ZNF521: variants seen among roughly 807,000 people sequenced by gnomAD.
The protein encoded by ZNF521 is LYST-interacting protein 3.
ZNF521 carries 14 observed loss-of-function variants against 105.5 expected under a neutral mutation model. That is an observed-to-expected ratio of 0.13 (90% CI 0.09 to 0.21). ZNF521 has a LOEUF of 0.21. Ranked by LOEUF, ZNF521 falls within the 10% of genes least tolerant of loss-of-function variation. The pLI is 1.00. For synonymous variants in ZNF521, 635 were observed against 606.0 expected (o/e 1.05, Z -0.70); for missense variants, 1,233 against 1,629.7 (o/e 0.76, Z 4.19).
chr18:25,218,489 A>G, intron 4 of ZNF521, among the ~76,000 whole-genome samples: 1 of 150,436 alleles, frequency 6.6e-6, no homozygotes, highest in East Asian at 2.0e-4. Context: ...TACTAAAAAA[A>G]AAAAAAAAAA....
intron 3 of ZNF521, among the ~76,000 whole-genome samples, chr18:25,230,467 G>A (rs1444921537): frequency 6.6e-6 from 1 of 152,164 alleles, no homozygotes; most frequent in Non-Finnish European, 1.5e-5. Flanking sequence ...AACATACTCT[G>A]AGGTCTACCT....
At chr18:25,075,843 T>C (rs539327429) in intron 7 of ZNF521, among the ~76,000 whole-genome samples, 4 of 152,342 alleles carry the variant, frequency 2.6e-5, no homozygotes, top group African/African-American at 9.6e-5. Flanking sequence ...TTTTCTCCCC[T>C]GAATCAGAGT....
At chr18:25,315,302 C>A (rs1912543302) in intron 3 of ZNF521, among the ~76,000 whole-genome samples, 1 of 152,002 alleles carries the variant, frequency 6.6e-6, no homozygotes. Flanking sequence ...TTCACCTTTC[C>A]CCCTATTCCT....
chr18:25,201,691 G>T (rs866389908), intron 4 of ZNF521: 64 of 152,248 alleles, frequency 4.2e-4, no homozygotes, highest in African/African-American at 1.5e-3. Context: ...TCACAACCCT[G>T]AAATCAGGAT....
chr18:25,179,367 TA>T (rs561321765), intron 5 of ZNF521, among the ~76,000 whole-genome samples: 2 of 151,912 alleles, frequency 1.3e-5, no homozygotes, highest in Non-Finnish European at 2.9e-5. Flanking sequence ...CTTATACTTC[TA>T]TACATGATCA....
At chr18:25,247,918 C>T (rs540525909) in intron 3 of ZNF521, among the ~76,000 whole-genome samples, 1 of 152,100 alleles carries the variant, frequency 6.6e-6, no homozygotes, top group Non-Finnish European at 1.5e-5. Flanking sequence ...GACTCAGTGA[C>T]TAATTATATA....
In ZNF521 at chr18:25,270,017, A is replaced by G. The variant is rs190768500; in HGVS notation, c.221-42320T>C. Among the ~76,000 whole-genome samples the G allele has an allele frequency of 3.3e-4, 50 of 152,256 alleles. No homozygotes were observed. In the East Asian group the frequency reaches 8.9e-3, roughly 27 times the overall value. Reference sequence around the variant, plus strand: ...GAGCTGGTTTTTGAAAAGATCAACAAAAAAAGATAGACCACTACTCAGACT... The same window carrying G: ...GAGCTGGTTTTTGAAAAGATCAACAGAAAAAGATAGACCACTACTCAGACT... On this transcript the variant is annotated intron_variant, in intron 3 of 7. Transcript: ENST00000361524.
chr18:25,142,592 G>C (rs1404547040), intron 5 of ZNF521, among the ~76,000 whole-genome samples: 1 of 152,058 alleles, frequency 6.6e-6, no homozygotes, highest in African/African-American at 2.4e-5. Flanking sequence ...AAAAGATGTG[G>C]CTACCAAGTC....
intron 5 of ZNF521, among the ~76,000 whole-genome samples, chr18:25,165,643 A>G (rs576060254): frequency 1.4e-4 from 21 of 152,344 alleles, no homozygotes; most frequent in African/African-American, 5.1e-4. Context: ...CAAAGTAATA[A>G]GTTCTGTGGC....
At chr18:25,180,581 A>T (rs1434851850) in intron 5 of ZNF521, among the ~76,000 whole-genome samples, 1 of 151,990 alleles carries the variant, frequency 6.6e-6, no homozygotes, top group Non-Finnish European at 1.5e-5. Flanking sequence ...TCATAAGTGC[A>T]GAGAACGTCT....
At position 25,321,936 on chromosome 18, in the gene ZNF521, A is replaced by G. The variant is rs111954880; in HGVS notation, c.220+72T>C. On this transcript the variant is annotated intron_variant, in intron 3 of 7. Coordinates refer to ENST00000361524, the MANE Select transcript of ZNF521 (RefSeq NM_015461.3). Reference sequence around the variant, plus strand: ...TAAAATAATTTGAAGAGAAAAACACATAAAGGAACAAACTGAAAAAATCAG... The same window carrying G: ...TAAAATAATTTGAAGAGAAAAACACGTAAAGGAACAAACTGAAAAAATCAG... 15 of 1,408,930 alleles carry G rather than the reference A, an allele frequency of 1.1e-5. No homozygotes were observed. The African/African-American group carries it at 2.0e-4, about 19-fold the overall frequency. The allele number at this position is 1,408,930 out of a possible 1,614,324, so 87.3% of individuals were successfully genotyped here.
rs371804263 is a variant in ZNF521, at chr18:25,226,342, A to C, written c.1576T>G (p.Ser526Ala). The C allele has an allele frequency of 1.4e-4, 223 of 1,614,090 alleles. No homozygotes were observed. Among genetic ancestry groups the C allele is most frequent in the Non-Finnish European group, 1.8e-4 (213 of 1,180,040 alleles). ...PHCYMGFLTD[S>A]SLEEHIRQVH... Reference sequence around the variant, plus strand: ...TGTCTAATATGCTCTTCCAGGGAAGAGTCAGTGAGAAACCCCATATAGCAA... The same window carrying C: ...TGTCTAATATGCTCTTCCAGGGAAGCGTCAGTGAGAAACCCCATATAGCAA... Residue 526 changes from serine (S) to alanine (A), a missense_variant, in exon 4 of 8, where the codon TCT becomes GCT. This residue lies in a region of ZNF521 where 380 missense variants were observed against 478.0 expected (regional missense o/e 0.80). Transcript: ENST00000361524. This position sits in a 1 kb window ranked among gnomAD's most constrained non-coding sequence, Gnocchi z 4.1.
chr18:25,312,839 A>G (rs1264896003), intron 3 of ZNF521, among the ~76,000 whole-genome samples: 2 of 37,652 alleles, frequency 5.3e-5, no homozygotes, highest in Non-Finnish European at 1.2e-4. Flanking sequence ...AAAAAAAAAA[A>G]AAGAAGTTGG....
intron 2 of ZNF521, among the ~76,000 whole-genome samples, chr18:25,348,537 C>G (rs2145230899): frequency 6.6e-6 from 1 of 152,256 alleles, no homozygotes; most frequent in South Asian, 2.1e-4. Context: ...CTTCTCATCC[C>G]CAAAAGCCCA....
intron 2 of ZNF521, among the ~76,000 whole-genome samples, chr18:25,334,084 C>T (rs537944938): frequency 5.3e-5 from 8 of 152,208 alleles, no homozygotes; most frequent in Non-Finnish European, 1.2e-4. Context: ...CCCTTGCCAC[C>T]ACCACTAAAA....
At chr18:25,285,503 G>A (rs1420743754) in intron 3 of ZNF521, among the ~76,000 whole-genome samples, 1 of 152,140 alleles carries the variant, frequency 6.6e-6, no homozygotes, top group Non-Finnish European at 1.5e-5. Context: ...CATTTAGGGG[G>A]ACATCAGTTT....
chr18:25,139,125 C>T (rs150937023), intron 5 of ZNF521, among the ~76,000 whole-genome samples: 24 of 152,060 alleles, frequency 1.6e-4, no homozygotes, highest in African/African-American at 4.1e-4. Context: ...AATCCCAGCA[C>T]TTTGGGAGGC....
intron 4 of ZNF521, among the ~76,000 whole-genome samples, chr18:25,198,727 G>T (rs542941413): frequency 6.6e-6 from 1 of 152,004 alleles, no homozygotes; most frequent in South Asian, 2.1e-4. Context: ...AGGAAGTGTA[G>T]GTCGTGCCTA....
chr18:25,232,725 G>A (rs1050619617), intron 3 of ZNF521, among the ~76,000 whole-genome samples: 4 of 152,104 alleles, frequency 2.6e-5, no homozygotes, highest in East Asian at 1.9e-4. Context: ...CCAAGAATGC[G>A]GTTTATACCT....
Sources: allele counts gnomAD v4.1 joint callset (sites outside exome capture counted in the v4.1 genomes callset), GRCh38; gene constraint gnomAD v4.1.1; regional missense constraint gnomAD v4.1.1; non-coding constraint Gnocchi (gnomAD v3.1); transcripts MANE v1.5; gene names NCBI Gene and HGNC (gene_info 2026-07-23, HGNC 2026-07-21).